The following IARS1 variants were observed in gnomAD, a reference collection of about 807,000 sequenced individuals.
IARS1 encodes isoleucyl-tRNA synthetase 1.
In IARS1, 124 loss-of-function variants were observed where a neutral mutation model predicts 168.2. The observed-to-expected ratio is 0.74, with a 90% CI of 0.64 to 0.86. The LOEUF is 0.86. Ranked by LOEUF, IARS1 falls within the 40% of genes least tolerant of loss-of-function variation. The pLI, the probability that IARS1 is intolerant of heterozygous loss-of-function variation, is 0.00. For synonymous variants in IARS1, 532 were observed against 529.4 expected (o/e 1.00, Z -0.07); for missense variants, 1,452 against 1,515.8 (o/e 0.96, Z 0.70).
At chr9:92,215,218 G>C (rs1294540009) in intron 33 of IARS1, among the ~76,000 whole-genome samples, 1 of 152,210 alleles carries the variant, frequency 6.6e-6, no homozygotes. Flanking sequence ...GGTCCTGTCT[G>C]TCAGAAGGAA....
In IARS1 at chr9:92,265,506, T is replaced by C. The variant is rs181041773; in HGVS notation, c.1479A>G (p.Ala493=). 2.8e-4 allele frequency: 452 copies of C among 1,613,882 alleles called. No individual in the cohort carries two copies. The highest frequency in any genetic ancestry group is 2.6e-4 in the Non-Finnish European group (306 of 1,179,936). The part of the protein sequence containing the change: ...SVAELEELSG[A]KISDLHRESV... The stretch of plus-strand genomic sequence containing the variant: ...TCTCTCTGTGGAGATCTGAGATCTT[T>C]GCTCCTGACAGTTCTTCAAGTTCCG... The change falls in exon 15 of 34, where the codon GCA becomes GCG. Residue 493 remains alanine, a synonymous_variant. Coordinates refer to ENST00000443024, the MANE Select transcript of IARS1 (RefSeq NM_002161.6).
chr9:92,231,590 TG>T (rs1228562018), intron 30 of IARS1, among the ~76,000 whole-genome samples: 241 of 144,200 alleles, frequency 1.7e-3, no homozygotes, highest in African/African-American at 4.5e-3. Context: ...ATTTTGTATT[TG>T]TTTTTTTTTT....
rs147842375 is a variant in IARS1, at chr9:92,284,986, A to G, written c.597+736T>C. Among the ~76,000 whole-genome samples the G allele has an allele frequency of 8.5e-5, 13 of 152,324 alleles. No individual in the cohort carries two copies. The East Asian group carries it at 2.5e-3, about 29-fold the overall frequency. On this transcript the variant is annotated intron_variant, in intron 6 of 33. Transcript: ENST00000443024. ...GATTTACAAAGATCAATCAAACAGG[A>G]TATGTGAAAGCATTCTATAAATAAA...
chr9:92,226,451 CTTCTT>C (rs1399982148), intron 31 of IARS1, among the ~76,000 whole-genome samples: 1 of 152,150 alleles, frequency 6.6e-6, no homozygotes, highest in African/African-American at 2.4e-5. Flanking sequence ...ATTTGCATTT[CTTCTT>C]TTAAGTTATT....
chr9:92,269,936 C>T lies in IARS1; in HGVS notation c.1253G>A (p.Arg418Gln), dbSNP rs760241440. The T allele has an allele frequency of 1.9e-5, 30 of 1,613,812 alleles. 1 individual carries two copies. In the East Asian group the frequency reaches 4.5e-4, roughly 24 times the overall value. The change falls in exon 13 of 34, where the codon CGA becomes CAA. Residue 418 changes from arginine (R) to glutamine (Q), a missense_variant. Transcript: ENST00000443024. ...GAGCTGGTCCACCATGTTCTCCACT[C>T]GCACAAACCAGCTGGGCACTGCTTT... Reference protein sequence around the residue: ...IYKAVPSWFVRVENMVDQLLR... With the variant: ...IYKAVPSWFVQVENMVDQLLR...
At chr9:92,253,288 T>C (rs1830269697) in intron 21 of IARS1, 74 bp downstream of exon 21, 1 of 905,458 alleles carries the variant, frequency 1.1e-6, no homozygotes, top group Non-Finnish European at 1.8e-6. Flanking sequence ...CTCTCCCTTC[T>C]GGCTATTCTC....
chr9:92,288,243 C>CAG lies in IARS1; in HGVS notation c.157_158dup (p.Pro54CysfsTer15). On this transcript the variant is annotated frameshift_variant, in exon 3 of 34. Coordinates refer to ENST00000443024, the MANE Select transcript of IARS1 (RefSeq NM_002161.6). LOFTEE classifies it high-confidence loss of function. ...CCGCAAGTATATGTCCATAGTGAGG[C>CAG]AGTCCAGTTGCAAAAGGAGGACCAT... 1 of 1,613,952 alleles carries CAG rather than the reference C, an allele frequency of 6.2e-7. No individual in the cohort carries two copies. Among genetic ancestry groups the CAG allele is most frequent in the Non-Finnish European group, 8.5e-7 (1 of 1,179,870 alleles).
Position 92,256,826 on chromosome 9 carries a change from C to T in IARS1, c.2017-26G>A, listed in dbSNP as rs376144506. 7.5e-6 allele frequency: 12 copies of T among 1,593,720 alleles called. No homozygotes were observed. The African/African-American group carries it at 1.2e-4, about 16-fold the overall frequency. ...CTAGGAAGGAACAATTAATGAAACA[C>T]TGGCACACTTGGGAAGAAAGTTACT... On this transcript the variant is annotated intron_variant, in intron 19 of 33. Transcript: ENST00000443024.
chr9:92,285,575 C>T (rs1835310916), intron 6 of IARS1, 147 bp downstream of exon 6: 7 of 563,062 alleles, frequency 1.2e-5, no homozygotes, highest in African/African-American at 9.3e-5. Flanking sequence ...GCAATATTTC[C>T]AGCACTCAGT....
At position 92,259,062 on chromosome 9, in the gene IARS1, G is replaced by A. The variant is rs966229369; in HGVS notation, c.1872-64C>T. 3.7e-6 allele frequency: 5 copies of A among 1,359,970 alleles called. No homozygotes were observed. The South Asian group carries it at 4.5e-5, about 12-fold the overall frequency. 84.2% of individuals were successfully genotyped at this position (1,359,970 alleles called of 1,614,324 possible). ...GACAGTAAACCAATTATTACTACTCGACATATTGAGAGAGCAAGATGAAAA... is the reference window on the plus strand; with the variant it reads ...GACAGTAAACCAATTATTACTACTCAACATATTGAGAGAGCAAGATGAAAA... On this transcript the variant is annotated intron_variant, in intron 18 of 33. Transcript: ENST00000443024.
chr9:92,211,078 G>T (rs967978841), intron 33 of IARS1, among the ~76,000 whole-genome samples, 189 bp from the exon 34 acceptor site: 17 of 152,192 alleles, frequency 1.1e-4, no homozygotes, highest in Admixed American at 2.6e-4. Context: ...TGTTTCTCAT[G>T]GTGGGTATGT....
At chr9:92,252,408 G>C (rs577368880) in intron 21 of IARS1, 2 of 515,350 alleles carry the variant, frequency 3.9e-6, no homozygotes, top group South Asian at 2.8e-5. Flanking sequence ...ATACGTGTGT[G>C]TGAGATACAT....
At chr9:92,262,891 T>G (rs745549562) in intron 17 of IARS1, 78 bp downstream of exon 17, 10 of 1,009,486 alleles carry the variant, frequency 9.9e-6, no homozygotes, top group Non-Finnish European at 1.6e-5. Flanking sequence ...TACAACAAAG[T>G]TGACCGCTCT....
At chr9:92,252,325 T>C in intron 21 of IARS1, 1 of 490,950 alleles carries the variant, frequency 2.0e-6, no homozygotes, top group Non-Finnish European at 4.1e-6. Context: ...TTCATTATCT[T>C]TGTTTTTCCT....
intron 7 of IARS1, among the ~76,000 whole-genome samples, chr9:92,279,257 G>T (rs1031683831): frequency 6.6e-6 from 1 of 152,326 alleles, no homozygotes; most frequent in East Asian, 1.9e-4. Context: ...CATTGTAAGT[G>T]GGGACCACAG....
At chr9:92,282,857 TA>T (rs1315321817) in intron 6 of IARS1, among the ~76,000 whole-genome samples, 530 of 141,764 alleles carry the variant, frequency 3.7e-3, no homozygotes, top group South Asian at 0.013. Context: ...TATATATATA[TA>T]TATTTTTTTT....
chr9:92,284,724 G>A (rs1221640480), intron 6 of IARS1, among the ~76,000 whole-genome samples: 2 of 152,068 alleles, frequency 1.3e-5, no homozygotes, highest in Non-Finnish European at 2.9e-5. Context: ...AGCCAAGATC[G>A]CGCCACTGCA....
rs1382408375 is a variant in IARS1, at chr9:92,217,028, G to A, written c.3706+5492C>T. Among the ~76,000 whole-genome samples the A allele has an allele frequency of 1.5e-4, 23 of 148,876 alleles. 1 individual carries two copies. In the East Asian group the frequency reaches 3.0e-3, roughly 19 times the overall value. On this transcript the variant is annotated intron_variant, in intron 33 of 33. Coordinates refer to ENST00000443024, the MANE Select transcript of IARS1 (RefSeq NM_002161.6). ...AATTGACCACATACTTGGAAGTAAA[G>A]CTCTCCTCAGCAAATGTAAAAGAAC...
intron 30 of IARS1, among the ~76,000 whole-genome samples, chr9:92,233,730 T>A (rs1564162357): frequency 6.6e-6 from 1 of 152,208 alleles, no homozygotes; most frequent in Non-Finnish European, 1.5e-5. Context: ...AAGTTTTCAG[T>A]ATACAAGTCC....
Sources: gnomAD v4.1 joint callset for allele counts (sites outside exome capture counted in the v4.1 genomes callset) on GRCh38, gnomAD v4.1.1 for gene constraint, MANE v1.5 for transcripts, NCBI Gene and HGNC (gene_info 2026-07-23, HGNC 2026-07-21) for gene names.